The following SHANK1 variants were observed in gnomAD, a reference collection of about 807,000 sequenced individuals.
SHANK1 encodes the protein SH3 and multiple ankyrin repeat domains 1, also known as SH3 and multiple ankyrin repeat domains protein 1.
Under a neutral mutation model 165.6 loss-of-function variants are expected in SHANK1, and 35 were observed. The observed-to-expected ratio is 0.21, with a 90% CI of 0.16 to 0.28. The LOEUF (loss-of-function observed/expected upper bound fraction) is 0.28. Among genes scored for constraint, SHANK1 ranks in the 10% least tolerant of loss-of-function variants. The probability of loss-of-function intolerance (pLI) is 1.00; values close to 1 mark genes in which losing one functional copy is unlikely to be tolerated. For synonymous variants in SHANK1, 1,428 were observed against 1,384.8 expected (o/e 1.03, Z -0.69); for missense variants, 2,681 against 3,036.4 (o/e 0.88, Z 2.75).
Position 50,717,537 on chromosome 19 carries a change from G to T in SHANK1, c.-43-575C>A, listed in dbSNP as rs1020023874. ...TGTGGCTGACAACGCGTGGCATGCCGAATAGTGCTGGGGAATCTGCCGTCC... is the reference window on the plus strand; with the variant it reads ...TGTGGCTGACAACGCGTGGCATGCCTAATAGTGCTGGGGAATCTGCCGTCC... On this transcript the variant is annotated intron_variant, in intron 1 of 23. Coordinates refer to ENST00000293441, the MANE Select transcript of SHANK1 (RefSeq NM_016148.5). This position sits in a 1 kb window ranked among gnomAD's most constrained non-coding sequence, Gnocchi z 5.5. Among the ~76,000 whole-genome samples the T allele has an allele frequency of 6.6e-6, 1 of 152,184 alleles. No homozygotes were observed. The highest frequency in any genetic ancestry group is 1.5e-5 in the Non-Finnish European group (1 of 68,028).
Position 50,716,529 on chromosome 19 carries a change from C to T in SHANK1, c.256-51G>A, listed in dbSNP as rs1487556227. The T allele has an allele frequency of 6.2e-7, 1 of 1,600,792 alleles. No homozygotes were observed. The highest frequency in any genetic ancestry group is 8.5e-7 in the Non-Finnish European group (1 of 1,171,108). ...GGGTGGGCCAGGGGCCAGAGGAGAG[C>T]CTGAGGTGGGTTGGGAAGTGAGCCA... is the stretch of plus-strand genomic sequence containing the variant. On this transcript the variant is annotated intron_variant, in intron 2 of 23. Coordinates refer to ENST00000293441, the MANE Select transcript of SHANK1 (RefSeq NM_016148.5). The surrounding 1 kb of genome is among the most constrained non-coding windows in gnomAD (Gnocchi z 8.4).
rs776215307 is a variant in SHANK1 at position 50,697,796 on chromosome 19, G to C, written c.1861+47C>G. On this transcript the variant is annotated intron_variant, in intron 13 of 23. Coordinates refer to ENST00000293441, the MANE Select transcript of SHANK1 (RefSeq NM_016148.5). This position sits in a 1 kb window ranked among gnomAD's most constrained non-coding sequence, Gnocchi z 4.7. ...CCATTAGGAAGGGAAAGGAGTGGAC[G>C]TGGGAATCCTAGGGTCCATTGAACA... 1.2e-5 allele frequency: 19 copies of C among 1,545,062 alleles called. No homozygotes were observed. In the Middle Eastern group the frequency reaches 5.0e-4, roughly 41 times the overall value.
At position 50,668,204 on chromosome 19, in the gene SHANK1, C is replaced by T; in HGVS notation, c.3756G>A (p.Arg1252=). The change falls in exon 23 of 24, where the codon CGG becomes CGA. Residue 1252 remains arginine (R), a synonymous_variant. Transcript: ENST00000293441. The part of the protein sequence containing the change: ...REGGWQNEAR[R]RSTLFLSTDA... Reference sequence around the variant, plus strand: ...CGGTGGACAGGAACAGCGTGGAGCGCCGGCGCGCCTCATTCTGCCAGCCCC... The same window carrying T: ...CGGTGGACAGGAACAGCGTGGAGCGTCGGCGCGCCTCATTCTGCCAGCCCC... 1 of 1,495,982 alleles carries T rather than the reference C, an allele frequency of 6.7e-7. No homozygotes were observed. Among genetic ancestry groups the T allele is most frequent in the South Asian group, 1.3e-5 (1 of 77,380 alleles). 92.7% of individuals were successfully genotyped at this position (1,495,982 alleles called of 1,614,324 possible).
rs1338171017 is a variant in SHANK1 at position 50,686,108 on chromosome 19, T to C, written c.2577+129A>G. ...TGGGAGAAAGGAGGAAACCCTAGGA[T>C]GTGTGTCGCCCCTCCAGGACCAGCC... is the stretch of plus-strand genomic sequence containing the variant. On this transcript the variant is annotated intron_variant, in intron 21 of 23. Transcript: ENST00000293441. This position sits in a 1 kb window ranked among gnomAD's most constrained non-coding sequence, Gnocchi z 5.7. The C allele has an allele frequency of 1.5e-5, 7 of 477,558 alleles. No individual in the cohort carries two copies. The highest frequency in any genetic ancestry group is 6.0e-5 in the African/African-American group (3 of 49,824). The allele number at this position is 477,558 out of a possible 1,614,324, so 29.6% of individuals were successfully genotyped here. A position where few individuals can be genotyped will look rare whatever the true frequency, so the allele number is the denominator to read the frequency against.
At chr19:50,679,906 A>T (rs931165265) in intron 21 of SHANK1, among the ~76,000 whole-genome samples, 6 of 152,124 alleles carry the variant, frequency 3.9e-5, no homozygotes, top group African/African-American at 1.4e-4. Flanking sequence ...AGAGATGGAG[A>T]GACAGAGACA....
At chr19:50,674,095 AT>A (rs35496340) in intron 21 of SHANK1, among the ~76,000 whole-genome samples, 2,629 of 143,580 alleles carry the variant, frequency 0.018, 45 homozygotes, top group Middle Eastern at 0.071. Context: ...GTGTTGGCCT[AT>A]TTTTTTTTTT....
rs1056027015 is a variant in SHANK1, at chr19:50,717,751, G to T, written c.-43-789C>A. Among the ~76,000 whole-genome samples the T allele has an allele frequency of 4.6e-5, 7 of 152,038 alleles. No homozygotes were observed. The highest frequency in any genetic ancestry group is 1.7e-4 in the African/African-American group (7 of 41,374). On this transcript the variant is annotated intron_variant, in intron 1 of 23. Coordinates refer to ENST00000293441, the MANE Select transcript of SHANK1 (RefSeq NM_016148.5). The surrounding 1 kb of genome is among the most constrained non-coding windows in gnomAD (Gnocchi z 5.5). ...TGGTGTGGTGGCCCGGGTAGATGTG[G>T]GTGGCTGCAGATGACCTGTAGCTCT... is the stretch of plus-strand genomic sequence containing the variant.
chr19:50,671,958 C>A, intron 22 of SHANK1, 60 bp downstream of exon 22: 1 of 1,273,232 alleles, frequency 7.9e-7, no homozygotes, highest in Non-Finnish European at 1.1e-6. Flanking sequence ...CTTGCTTTTC[C>A]TGAACTGTCA....
At chr19:50,675,061 C>CAA (rs10560370) in intron 21 of SHANK1, among the ~76,000 whole-genome samples, 1,290 of 85,606 alleles carry the variant, frequency 0.015, 26 homozygotes, top group African/African-American at 0.046. Flanking sequence ...CACTCGGTCT[C>CAA]AAAAAAAAAA....
intron 4 of SHANK1, 94 bp downstream of exon 4, chr19:50,715,565 G>T: frequency 2.7e-6 from 3 of 1,109,958 alleles, no homozygotes; most frequent in Non-Finnish European, 4.1e-6. Context: ...GAATGTGGAG[G>T]TCTATTGGGA....
chr19:50,671,124 G>A (rs188261997), intron 22 of SHANK1, among the ~76,000 whole-genome samples: 36 of 142,936 alleles, frequency 2.5e-4, no homozygotes, highest in Non-Finnish European at 4.2e-4. Context: ...CCTGCACCCT[G>A]CCCCCTACCC....
chr19:50,667,790 G>A lies in SHANK1; in HGVS notation c.4170C>T (p.Pro1390=), dbSNP rs1352276049. 2 of 1,294,948 alleles carry A rather than the reference G, an allele frequency of 1.5e-6. No individual in the cohort carries two copies. The highest frequency in any genetic ancestry group is 1.9e-6 in the Non-Finnish European group (2 of 1,026,408). 80.2% of individuals were successfully genotyped at this position (1,294,948 alleles called of 1,614,324 possible). A position where few individuals can be genotyped will look rare whatever the true frequency, so the allele number is the denominator to read the frequency against. Residue 1390 remains proline, a synonymous_variant, in exon 23 of 24, where the codon CCC becomes CCT. Coordinates refer to ENST00000293441, the MANE Select transcript of SHANK1 (RefSeq NM_016148.5). The surrounding 1 kb of genome is among the most constrained non-coding windows in gnomAD (Gnocchi z 5.7). ...PPSPRYEAPP[P]TPHHHSPHAH... ...CGTGGGGCGAGTGGTGGTGCGGGGT[G>A]GGCGGCGGGGCCTCGTAGCGGGGCG... is the stretch of plus-strand genomic sequence containing the variant.
chr19:50,662,175 A>G lies in SHANK1; in HGVS notation c.6276T>C (p.Ala2092=), dbSNP rs755783683. 3.1e-6 allele frequency: 5 copies of G among 1,610,906 alleles called. No homozygotes were observed. In the Admixed American group the frequency reaches 8.3e-5, roughly 27 times the overall value. The part of the protein sequence containing the change: ...LSLPPDKPFG[A]KPLGFWTKFD... ...ACTTGGTCCAGAACCCCAGAGGTTT[A>G]GCGCCAAACGGCTTGTCCGGGGGCA... Residue 2092 remains alanine (A), a synonymous_variant, in exon 24 of 24, where the codon GCT becomes GCC. Coordinates refer to ENST00000293441, the MANE Select transcript of SHANK1 (RefSeq NM_016148.5). This position sits in a 1 kb window ranked among gnomAD's most constrained non-coding sequence, Gnocchi z 7.7.
intron 22 of SHANK1, among the ~76,000 whole-genome samples, chr19:50,669,583 C>T (rs1430383892): frequency 2.0e-5 from 3 of 152,096 alleles, no homozygotes; most frequent in East Asian, 1.9e-4. Context: ...CGTTCAAAGG[C>T]TCAGTGAACG....
intron 15 of SHANK1, chr19:50,689,491 T>C: frequency 1.5e-6 from 1 of 681,052 alleles, no homozygotes; most frequent in Admixed American, 2.4e-5. Context: ...TCTCTCTCAC[T>C]CCCTCTCTCC....
intron 15 of SHANK1, among the ~76,000 whole-genome samples, chr19:50,691,815 T>C (rs1986547062): frequency 1.3e-5 from 2 of 152,182 alleles, no homozygotes; most frequent in Non-Finnish European, 2.9e-5. Context: ...TACCTAGGAC[T>C]ACAGGTGCTT....
In SHANK1 at chr19:50,717,110, CG is replaced by C. The variant is rs1568447265; in HGVS notation, c.-43-149del. The C allele has an allele frequency of 1.8e-6, 1 of 568,470 alleles. No individual in the cohort carries two copies. The highest frequency in any genetic ancestry group is 2.7e-6 in the Non-Finnish European group (1 of 367,908). 35.2% of individuals were successfully genotyped at this position (568,470 alleles called of 1,614,324 possible). A position where few individuals can be genotyped will look rare whatever the true frequency, so the allele number is the denominator to read the frequency against. On this transcript the variant is annotated intron_variant, in intron 1 of 23. Transcript: ENST00000293441. This position sits in a 1 kb window ranked among gnomAD's most constrained non-coding sequence, Gnocchi z 5.5. ...AGGCTGGACACACCCTCGGCCTGCA[CG>C]GCCTCCCCTGCCGCCTCCTCCCACG...
chr19:50,692,472 T>TATATATATATATATATATATATATAC (rs1037995388), intron 15 of SHANK1, among the ~76,000 whole-genome samples: 6 of 145,406 alleles, frequency 4.1e-5, no homozygotes, highest in Admixed American at 1.3e-4. Flanking sequence ...TATATATATA[T>TATATATATATATATATATATATATAC]ACACACACAC....
chr19:50,705,291 G>A (rs1025641493), intron 8 of SHANK1, among the ~76,000 whole-genome samples: 5 of 151,958 alleles, frequency 3.3e-5, no homozygotes, highest in Admixed American at 6.5e-5. Flanking sequence ...GCAGTGAGCC[G>A]AGATCCTGCC....
Sources: gnomAD v4.1 joint callset for allele counts (sites outside exome capture counted in the v4.1 genomes callset) on GRCh38, gnomAD v4.1.1 for gene constraint, Gnocchi (gnomAD v3.1) non-coding constraint, MANE v1.5 for transcripts, NCBI Gene and HGNC (gene_info 2026-07-23, HGNC 2026-07-21) for gene names.